The following C1QTNF6 variants were observed in gnomAD, a reference collection of about 807,000 sequenced individuals.
C1QTNF6 encodes C1q and TNF related 6.
In C1QTNF6, 17 loss-of-function variants were observed where a neutral mutation model predicts 20.7. The ratio of observed to expected loss-of-function variants is 0.82; its 90% CI spans 0.56 to 1.23. The LOEUF is 1.23. Ranked by LOEUF, C1QTNF6 falls within the 50% of genes most tolerant of loss-of-function variation. The probability of loss-of-function intolerance (pLI) is 0.00; values close to 1 mark genes in which losing one functional copy is unlikely to be tolerated. For synonymous variants in C1QTNF6, 130 were observed against 156.3 expected (o/e 0.83, Z 1.25); for missense variants, 329 against 389.7 (o/e 0.84, Z 1.31).
upstream of C1QTNF6, chr22:37,198,328 T>G (rs1925274970): frequency 6.6e-6 from 1 of 152,228 alleles, no homozygotes; most frequent in Non-Finnish European, 1.5e-5. Flanking sequence ...TTACCTCGTC[T>G]GTCCATTTTA....
Position 37,185,401 on chromosome 22 carries a change from G to C in C1QTNF6, c.106C>G (p.Leu36Val), listed in dbSNP as rs771474592. 8.7e-6 allele frequency: 14 copies of C among 1,613,110 alleles called. No individual in the cohort carries two copies. The South Asian group carries it at 1.3e-4, about 15-fold the overall frequency. Residue 36 changes from leucine to valine, a missense_variant, in exon 2 of 3, where the codon CTC (leucine) becomes GTC (valine). Leu to Val is a conservative substitution (Grantham distance 32). Transcript: ENST00000337843. ...GPVWAALLLF[L>V]LMCEIPMVEL... The stretch of plus-strand genomic sequence containing the variant: ...ACCATAGGGATCTCACACATCAGGA[G>C]AAAGAGCAGGAGCGCTGCCCAGACG...
At chr22:37,189,700 G>T (rs1924687947), upstream of C1QTNF6, among the ~76,000 whole-genome samples, 1 of 152,188 alleles carries the variant, frequency 6.6e-6, no homozygotes. Flanking sequence ...GTGATATCTG[G>T]AAGATTAATG....
At chr22:37,193,785 A>C (rs1265316639) in intron 2 of C1QTNF6, among the ~76,000 whole-genome samples, 1 of 152,240 alleles carries the variant, frequency 6.6e-6, no homozygotes, top group East Asian at 1.9e-4. Context: ...AGTGCAGAGA[A>C]AGGAAAATTC....
chr22:37,196,992 G>C (rs1009988051), intron 1 of C1QTNF6: 8 of 152,366 alleles, frequency 5.3e-5, no homozygotes, highest in African/African-American at 1.7e-4. Context: ...CTGACCAGCA[G>C]GGACACTGTG....
At chr22:37,189,502 G>A (rs925594859), upstream of C1QTNF6, among the ~76,000 whole-genome samples, 5 of 152,056 alleles carry the variant, frequency 3.3e-5, no homozygotes, top group Non-Finnish European at 1.5e-5. Flanking sequence ...TCTCTTTTAC[G>A]AGGGAACGTT....
At chr22:37,191,452 A>T (rs945578551), upstream of C1QTNF6, among the ~76,000 whole-genome samples, 3 of 152,182 alleles carry the variant, frequency 2.0e-5, no homozygotes, top group Non-Finnish European at 4.4e-5. Context: ...GTACCAAATA[A>T]GCCAAATATG....
rs891057901 is a variant in C1QTNF6, at chr22:37,184,589, G to C, written c.289+629C>G. On this transcript the variant is annotated intron_variant, in intron 2 of 2. Transcript: ENST00000337843. This position sits in a 1 kb window ranked among gnomAD's most constrained non-coding sequence, Gnocchi z 4.0. Reference sequence around the variant, plus strand: ...CAGGCCCCACAGGGCTGCATGCTCCGACCCTCGGCCCCCGCTGGTTGCTCT... The same window carrying C: ...CAGGCCCCACAGGGCTGCATGCTCCCACCCTCGGCCCCCGCTGGTTGCTCT... Among the ~76,000 whole-genome samples the C allele has an allele frequency of 6.6e-6, 1 of 151,568 alleles. No homozygotes were observed. The highest frequency in any genetic ancestry group is 1.5e-5 in the Non-Finnish European group (1 of 67,884).
chr22:37,194,264 A>G (rs1925003741), intron 2 of C1QTNF6, among the ~76,000 whole-genome samples: 1 of 152,196 alleles, frequency 6.6e-6, no homozygotes, highest in African/African-American at 2.4e-5. Context: ...CCCACATTCT[A>G]TCCTATAGTA....
At chr22:37,192,933 C>G (rs1487867245), upstream of C1QTNF6, among the ~76,000 whole-genome samples, 1 of 152,182 alleles carries the variant, frequency 6.6e-6, no homozygotes, top group Non-Finnish European at 1.5e-5. Context: ...TAAGCAGGCA[C>G]AGCTGGAAGG....
At chr22:37,187,086 G>A (rs1409291786) in intron 1 of C1QTNF6, among the ~76,000 whole-genome samples, 3 of 152,038 alleles carry the variant, frequency 2.0e-5, no homozygotes, top group African/African-American at 4.8e-5. Context: ...TAAATAAAGC[G>A]GCAGGAGCCC....
At chr22:37,198,669 C>T (rs552123626), upstream of C1QTNF6, among the ~76,000 whole-genome samples, 85 of 152,236 alleles carry the variant, frequency 5.6e-4, no homozygotes, top group African/African-American at 2.0e-3. Flanking sequence ...CCCGGGAACC[C>T]GGGACGCTCC....
chr22:37,188,301 G>A (rs1924557159), upstream of C1QTNF6: 1 of 1,023,472 alleles, frequency 9.8e-7, no homozygotes, highest in Admixed American at 2.5e-5. Flanking sequence ...GAGAGGAGGG[G>A]ATGGAGGGAG....
chr22:37,189,342 T>C (rs905743701), upstream of C1QTNF6, among the ~76,000 whole-genome samples: 2 of 152,206 alleles, frequency 1.3e-5, no homozygotes, highest in South Asian at 4.1e-4. Flanking sequence ...TATCTTGTGA[T>C]ACCAGTCCTG....
At position 37,188,163 on chromosome 22, in the gene C1QTNF6, CCT is replaced by C. The variant is rs751352140; in HGVS notation, c.49_50del (p.Arg17GlyfsTer23). 10 of 1,609,892 alleles carry C rather than the reference CCT, an allele frequency of 6.2e-6. No individual in the cohort carries two copies. Among genetic ancestry groups the C allele is most frequent in the African/African-American group, 2.7e-5 (2 of 74,858 alleles). ...RESPGEATGH[R>X]VTMGTAALGP... ...GCTTGAGGAGCCTCTGGTCACTCAC[CCT>C]GTGTCCTGTGGCCTCCCCAGGCGAC... On this transcript the variant is annotated frameshift_variant and splice_region_variant, in exon 1 of 3. Transcript: ENST00000337843. LOFTEE classifies it high-confidence loss of function.
intron 2 of C1QTNF6, among the ~76,000 whole-genome samples, chr22:37,193,848 G>C (rs1924963111): frequency 6.6e-6 from 1 of 152,164 alleles, no homozygotes; most frequent in African/African-American, 2.4e-5. Flanking sequence ...AATGGCAAAG[G>C]TCACATAGAT....
chr22:37,195,328 G>A (rs1039375565), intron 2 of C1QTNF6: 5 of 152,178 alleles, frequency 3.3e-5, no homozygotes, highest in African/African-American at 1.2e-4. Flanking sequence ...TTTCTGAGGA[G>A]GGAACCTAAC....
chr22:37,192,467 C>G (rs570208166), upstream of C1QTNF6, among the ~76,000 whole-genome samples: 1 of 152,262 alleles, frequency 6.6e-6, no homozygotes, highest in African/African-American at 2.4e-5. Context: ...CAGGCCTTAT[C>G]TAGAATCTAA....
In C1QTNF6 at chr22:37,185,272, G is replaced by T. The variant is rs751594408; in HGVS notation, c.235C>A (p.Arg79Ser). The T allele has an allele frequency of 1.2e-6, 2 of 1,607,950 alleles. No individual in the cohort carries two copies. The highest frequency in any genetic ancestry group is 1.7e-6 in the Non-Finnish European group (2 of 1,176,138). The change falls in exon 2 of 3, where the codon CGC (arginine) becomes AGC (serine). Residue 79 changes from arginine (R) to serine (S), a missense_variant. Transcript: ENST00000337843. ...CTGATCTCAGGCAGGGCGTGGGGGC[G>T]GCCGGAGGAAGAGGCTGAGGATACA... Reference protein sequence around the residue: ...AHVSSASSSGRPHALPEIRPY... With the variant: ...AHVSSASSSGSPHALPEIRPY...
chr22:37,188,612 ACTGCTCTG>A (rs1311661631), upstream of C1QTNF6: 4 of 168,700 alleles, frequency 2.4e-5, no homozygotes, highest in African/African-American at 9.5e-5. Context: ...AAAGTGCTTA[ACTGCTCTG>A]AGTCACAGAG....
Sources: gnomAD v4.1 joint callset for allele counts (sites outside exome capture counted in the v4.1 genomes callset) on GRCh38, gnomAD v4.1.1 for gene constraint, Gnocchi (gnomAD v3.1) non-coding constraint, MANE v1.5 for transcripts, NCBI Gene and HGNC (gene_info 2026-07-23, HGNC 2026-07-21) for gene names.